SELENOI: variants seen among roughly 807,000 people sequenced by gnomAD.
SELENOI encodes ethanolaminephosphotransferase 1.
A neutral mutation model predicts 50.7 loss-of-function variants in SELENOI; 24 were observed. The observed-to-expected ratio is 0.47, with a 90% CI of 0.34 to 0.67. The LOEUF is 0.67. SELENOI is among the 30% of genes least tolerant of loss of function. SELENOI has a pLI of 0.01. For synonymous variants in SELENOI, 155 were observed against 170.2 expected, an observed-to-expected ratio of 0.91 and a Z score of 0.70; for missense variants, 352 against 461.4, an observed-to-expected ratio of 0.76 and a Z score of 2.17.
intron 1 of SELENOI, 95 bp from the exon 2 acceptor site, chr2:26,364,207 C>T (rs984729857): frequency 2.7e-5 from 25 of 910,410 alleles, no homozygotes; most frequent in Admixed American, 2.6e-4. Flanking sequence ...TGCGCCACTG[C>T]GCCTGGCTTT....
Position 26,361,424 on chromosome 2 carries a change from A to G in SELENOI, c.58-2878A>G, listed in dbSNP as rs527971973. 6.6e-5 allele frequency among the ~76,000 whole-genome samples: 10 copies of G among 152,364 alleles called. No homozygotes were observed. The South Asian group carries it at 1.2e-3, about 19-fold the overall frequency. On this transcript the variant is annotated intron_variant, in intron 1 of 9. Transcript: ENST00000260585. ...AACAACAACTAAGAATAAAACAACT[A>G]TAACAATGTACTGTTATTACATTTA...
chr2:26,390,505 A>T lies in SELENOI; in HGVS notation c.*1402A>T, dbSNP rs896517852. 7 of 152,740 alleles carry T rather than the reference A, an allele frequency of 4.6e-5. No homozygotes were observed. The East Asian group carries it at 1.3e-3, about 29-fold the overall frequency. 9.5% of individuals were successfully genotyped at this position (152,740 alleles called of 1,614,324 possible). ...ATGAATGTGACCATTGTTAAATTTA[A>T]TTATAGTGTATTTCTTTCTTGAATT... On this transcript the variant is annotated 3_prime_UTR_variant, in exon 10 of 10. Transcript: ENST00000260585.
intron 1 of SELENOI, among the ~76,000 whole-genome samples, chr2:26,355,745 CTT>C (rs1187044204): frequency 2.8e-5 from 4 of 141,258 alleles, no homozygotes; most frequent in African/African-American, 5.2e-5. Context: ...CTCTCTCTCC[CTT>C]TTTTTTTTTT....
intron 6 of SELENOI, among the ~76,000 whole-genome samples, chr2:26,376,642 T>C (rs1291674253): frequency 6.6e-6 from 1 of 152,256 alleles, no homozygotes; most frequent in East Asian, 1.9e-4. Flanking sequence ...CGGGTTGTGT[T>C]ATAATATACA....
intron 3 of SELENOI, 85 bp from the exon 4 acceptor site, chr2:26,367,061 G>A (rs1574755540): frequency 9.0e-7 from 1 of 1,114,716 alleles, no homozygotes; most frequent in East Asian, 2.8e-5. Context: ...TGAACAAATA[G>A]CGACACTTCT....
chr2:26,361,136 C>A (rs1391180009), intron 1 of SELENOI, among the ~76,000 whole-genome samples: 1 of 152,152 alleles, frequency 6.6e-6, no homozygotes, highest in Non-Finnish European at 1.5e-5. Context: ...ATGGCATGAA[C>A]CTGGGAGGCG....
intron 4 of SELENOI, among the ~76,000 whole-genome samples, chr2:26,371,567 C>A (rs575362719): frequency 3.3e-5 from 5 of 152,234 alleles, no homozygotes. Flanking sequence ...CCAGCCTGGG[C>A]GCCATTGAGC....
intron 1 of SELENOI, among the ~76,000 whole-genome samples, chr2:26,357,515 G>C (rs901672446): frequency 9.2e-5 from 14 of 152,176 alleles, no homozygotes; most frequent in Admixed American, 2.0e-4. Flanking sequence ...GGCTAGAAGT[G>C]TAGAAAAACA....
At chr2:26,378,042 G>A (rs1360777274) in intron 6 of SELENOI, among the ~76,000 whole-genome samples, 1 of 151,492 alleles carries the variant, frequency 6.6e-6, no homozygotes, top group Non-Finnish European at 1.5e-5. Flanking sequence ...TCTCTGTTTG[G>A]TTATTTTCAG....
chr2:26,386,758 T>A (rs1314048020), intron 9 of SELENOI, among the ~76,000 whole-genome samples: 1 of 152,256 alleles, frequency 6.6e-6, no homozygotes, highest in Admixed American at 6.5e-5. Context: ...ACAAATGATT[T>A]TAAAGCTGGA....
chr2:26,379,407 T>TTA (rs1677636515), intron 6 of SELENOI, among the ~76,000 whole-genome samples: 5 of 152,204 alleles, frequency 3.3e-5, no homozygotes, highest in Admixed American at 3.3e-4. Flanking sequence ...TCTCATGGCA[T>TTA]TAACATGTTC....
At position 26,373,589 on chromosome 2, in the gene SELENOI, G is replaced by C; in HGVS notation, c.533G>C (p.Gly178Ala). 2 of 1,613,856 alleles carry C rather than the reference G, an allele frequency of 1.2e-6. No individual in the cohort carries two copies. Among genetic ancestry groups the C allele is most frequent in the Non-Finnish European group, 1.7e-6 (2 of 1,179,842 alleles). ...ILSHWEKYNT[G>A]ILFLPWGYDI... ...TCCCACTGGGAAAAGTATAACACAG[G>C]GATTCTTTTCCTGCCATGGGGATAT... The change falls in exon 5 of 10, where the codon GGG becomes GCG. Residue 178 changes from glycine to alanine, a missense_variant. By Grantham distance (60) the Gly-to-Ala change is moderately conservative. Transcript: ENST00000260585.
chr2:26,375,971 G>A (rs1369681414), intron 6 of SELENOI, among the ~76,000 whole-genome samples: 1 of 151,842 alleles, frequency 6.6e-6, no homozygotes, highest in South Asian at 2.1e-4. Context: ...CAGGTGTGGT[G>A]CGTGCACCTG....
chr2:26,380,403 TC>T (rs1308270082), intron 6 of SELENOI, among the ~76,000 whole-genome samples: 1 of 152,034 alleles, frequency 6.6e-6, no homozygotes, highest in Non-Finnish European at 1.5e-5. Context: ...CCTTTTTTCC[TC>T]CCCCCTCTTA....
chr2:26,372,234 TCCC>T (rs1179240030), intron 4 of SELENOI, among the ~76,000 whole-genome samples: 1 of 152,204 alleles, frequency 6.6e-6, no homozygotes, highest in African/African-American at 2.4e-5. Flanking sequence ...TGCCTCAGCC[TCCC>T]GAGTAGCTGG....
In SELENOI at chr2:26,393,132, TTGACAGTGGTACAAATGAC is replaced by T. The variant is rs1485801777; in HGVS notation, c.*4035_*4053del. On this transcript the variant is annotated 3_prime_UTR_variant, in exon 10 of 10. Coordinates refer to ENST00000260585, the MANE Select transcript of SELENOI (RefSeq NM_033505.4). ...GATTTGCATATTTTAGTTTTTATGT[TTGACAGTGGTACAAATGAC>T]TGACATTGGCAGGCAGTTATTGTAG... 2.0e-5 allele frequency: 3 copies of T among 152,668 alleles called. No individual in the cohort carries two copies. Among genetic ancestry groups the T allele is most frequent in the Admixed American group, 6.5e-5 (1 of 15,286 alleles). 9.5% of individuals were successfully genotyped at this position (152,668 alleles called of 1,614,324 possible).
chr2:26,357,875 AG>A (rs34659629), intron 1 of SELENOI, among the ~76,000 whole-genome samples: 60,069 of 152,012 alleles, frequency 0.4, 13,353 homozygotes, highest in Non-Finnish European at 0.51. Flanking sequence ...GAATTGTGGG[AG>A]GGACCCATTC....
At chr2:26,388,010 C>T (rs1263577540) in intron 9 of SELENOI, among the ~76,000 whole-genome samples, 1 of 152,136 alleles carries the variant, frequency 6.6e-6, no homozygotes, top group African/African-American at 2.4e-5. Flanking sequence ...GCTTTCTTCC[C>T]TTAGTGTTTC....
chr2:26,347,768 G>A (rs555782666), intron 1 of SELENOI, among the ~76,000 whole-genome samples: 1 of 152,186 alleles, frequency 6.6e-6, no homozygotes, highest in Non-Finnish European at 1.5e-5. Flanking sequence ...AATGGGAGCA[G>A]TGTTTATAAT....
Sources: gnomAD v4.1 joint callset for allele counts (sites outside exome capture counted in the v4.1 genomes callset) on GRCh38, gnomAD v4.1.1 for gene constraint, MANE v1.5 for transcripts, NCBI Gene and HGNC (gene_info 2026-07-23, HGNC 2026-07-21) for gene names.